Variants in CSNK1G3 observed in about 807,000 individuals in gnomAD.
The protein encoded by CSNK1G3 is casein kinase 1 gamma 3.
Under a neutral mutation model 64.3 loss-of-function variants are expected in CSNK1G3, and 23 were observed. The ratio of observed to expected loss-of-function variants is 0.36; its 90% CI spans 0.26 to 0.51. The LOEUF (loss-of-function observed/expected upper bound fraction) is 0.51. Ranked by LOEUF, CSNK1G3 falls within the 20% of genes least tolerant of loss-of-function variation. CSNK1G3 has a pLI of 0.96. For missense variants in CSNK1G3, 357 were observed against 510.5 expected, an observed-to-expected ratio of 0.70 and a Z score of 2.90; for synonymous variants, 158 against 162.2, an observed-to-expected ratio of 0.97 and a Z score of 0.20.
chr5:123,522,052 CTTTT>C (rs1228795789), intron 1 of CSNK1G3, among the ~76,000 whole-genome samples: 3 of 152,106 alleles, frequency 2.0e-5, no homozygotes, highest in Non-Finnish European at 4.4e-5. Context: ...AAATGGCTTT[CTTTT>C]ATTTTCCAAC....
At chr5:123,561,643 A>T (rs952809984) in intron 4 of CSNK1G3, among the ~76,000 whole-genome samples, 3 of 152,176 alleles carry the variant, frequency 2.0e-5, no homozygotes, top group African/African-American at 7.2e-5. Context: ...TTGTGTAAAG[A>T]CAACTTCCAG....
intron 3 of CSNK1G3, among the ~76,000 whole-genome samples, chr5:123,554,606 C>G (rs931347707): frequency 6.6e-6 from 1 of 152,174 alleles, no homozygotes; most frequent in African/African-American, 2.4e-5. Flanking sequence ...GGATTACAGG[C>G]GTGAGCCACT....
rs370362447 is a variant in CSNK1G3, at chr5:123,570,346, C to CTT, written c.290-3029_290-3028dup. Among the ~76,000 whole-genome samples, 123 of 130,526 alleles carry CTT rather than the reference C, an allele frequency of 9.4e-4. 1 individual carries two copies. The highest frequency in any genetic ancestry group is 4.0e-3 in the Middle Eastern group (1 of 252). The allele number at this position is 130,526 out of a possible 152,430, so 85.6% of individuals were successfully genotyped here. A position where few individuals can be genotyped will look rare whatever the true frequency, so the allele number is the denominator to read the frequency against. On this transcript the variant is annotated intron_variant, in intron 4 of 12. Coordinates refer to ENST00000345990, the Ensembl canonical transcript of CSNK1G3. ...GTAGAGAACGTTTTGACAGTCCTTT[C>CTT]TTTTTTTTTTTTTTTTTTTCTTTTT... is the stretch of plus-strand genomic sequence containing the variant.
At chr5:123,598,703 G>A (rs1793892482) in intron 10 of CSNK1G3, among the ~76,000 whole-genome samples, 1 of 152,158 alleles carries the variant, frequency 6.6e-6, no homozygotes, top group Non-Finnish European at 1.5e-5. Context: ...AATCATGAAG[G>A]ATCTAACGGG....
intron 1 of CSNK1G3, among the ~76,000 whole-genome samples, chr5:123,524,177 C>T (rs920836115): frequency 6.6e-6 from 1 of 152,124 alleles, no homozygotes; most frequent in African/African-American, 2.4e-5. Flanking sequence ...TTATTTGAAT[C>T]TGTGTTAGTT....
At chr5:123,601,321 G>A (rs1327520206) in intron 10 of CSNK1G3, among the ~76,000 whole-genome samples, 1 of 152,126 alleles carries the variant, frequency 6.6e-6, no homozygotes, top group Non-Finnish European at 1.5e-5. Context: ...TTAATGCCAT[G>A]ATACACTCTC....
chr5:123,589,176 C>T (rs112873576), intron 8 of CSNK1G3, among the ~76,000 whole-genome samples: 343 of 152,186 alleles, frequency 2.3e-3, no homozygotes, highest in African/African-American at 7.9e-3. Context: ...ATACGGAATT[C>T]CTATCTCACT....
intron 5 of CSNK1G3, among the ~76,000 whole-genome samples, chr5:123,574,593 A>G (rs921934346): frequency 2.0e-5 from 3 of 151,882 alleles, no homozygotes; most frequent in East Asian, 3.9e-4. Flanking sequence ...GTCTGAGGCT[A>G]GAGGATCACT....
At chr5:123,545,661 G>A in exon 2 of CSNK1G3, 2 of 1,610,846 alleles carry the variant, frequency 1.2e-6, no homozygotes, top group Non-Finnish European at 8.5e-7. Flanking sequence ...CCGCAAACTT[G>A]ATATGGAAAA....
At chr5:123,555,862 C>A (rs1373036222) in intron 3 of CSNK1G3, among the ~76,000 whole-genome samples, 1 of 151,960 alleles carries the variant, frequency 6.6e-6, no homozygotes, top group Non-Finnish European at 1.5e-5. Flanking sequence ...ACATGGACAT[C>A]TTTTTATTGC....
At chr5:123,573,430 T>G (rs1349016456) in exon 5 of CSNK1G3, 2 of 1,614,078 alleles carry the variant, frequency 1.2e-6, no homozygotes, top group Non-Finnish European at 1.7e-6. Context: ...GCCCTTGTGG[T>G]AAATACAATG....
chr5:123,526,064 G>T (rs1427540792), intron 1 of CSNK1G3, among the ~76,000 whole-genome samples: 1 of 151,832 alleles, frequency 6.6e-6, no homozygotes, highest in East Asian at 1.9e-4. Flanking sequence ...TAGAGATAGG[G>T]TCTCACTCTG....
chr5:123,614,404 CACAG>C lies in CSNK1G3; in HGVS notation c.*14_*17del, dbSNP rs776563311. The C allele has an allele frequency of 8.8e-5, 142 of 1,611,280 alleles. 1 individual carries two copies. The highest frequency in any genetic ancestry group is 6.4e-4 in the South Asian group (58 of 90,716). On this transcript the variant is annotated 3_prime_UTR_variant, in exon 13 of 13. Transcript: ENST00000345990. ...ATACAGCGCCACAAATGACTCTGGA[CACAG>C]ACAGATCCTGGGGAGTTACTTACAT...
rs944721327 is a variant in CSNK1G3, at chr5:123,574,349, C to T, written c.438+808C>T. Among the ~76,000 whole-genome samples the T allele has an allele frequency of 2.6e-5, 4 of 152,104 alleles. 1 individual carries two copies. The highest frequency in any genetic ancestry group is 5.9e-5 in the Non-Finnish European group (4 of 68,024). On this transcript the variant is annotated intron_variant, in intron 5 of 12. Transcript: ENST00000345990. ...TCTTAAAATTGTTTTTATTCATTGA[C>T]TCATTAATTCTACAAATTTATCCTA...
intron 1 of CSNK1G3, among the ~76,000 whole-genome samples, chr5:123,522,864 T>C (rs1778372051): frequency 6.6e-6 from 1 of 152,172 alleles, no homozygotes. Context: ...TTTGATTAAG[T>C]ATAACGCCAA....
At chr5:123,590,106 A>G (rs1278368973) in intron 8 of CSNK1G3, among the ~76,000 whole-genome samples, 3 of 152,106 alleles carry the variant, frequency 2.0e-5, no homozygotes, top group Admixed American at 1.3e-4. Context: ...TGCTTATTCA[A>G]CTTCTCATAC....
intron 12 of CSNK1G3, among the ~76,000 whole-genome samples, chr5:123,613,601 A>T (rs1257133201): frequency 2.0e-5 from 3 of 151,910 alleles, no homozygotes; most frequent in Non-Finnish European, 1.5e-5. Context: ...TAAACTCCTG[A>T]GCTCAAGCAA....
intron 12 of CSNK1G3, among the ~76,000 whole-genome samples, chr5:123,607,074 T>C (rs1795488850): frequency 6.6e-6 from 1 of 152,134 alleles, no homozygotes; most frequent in Non-Finnish European, 1.5e-5. Context: ...TTTGGGTCCC[T>C]ATCTGTAGAC....
chr5:123,583,072 G>T (rs143552852), intron 6 of CSNK1G3, among the ~76,000 whole-genome samples: 27 of 152,112 alleles, frequency 1.8e-4, no homozygotes, highest in Non-Finnish European at 8.8e-5. Flanking sequence ...CCTTATGACC[G>T]TGGCTTATTG....
Sources: gnomAD v4.1 joint callset for allele counts (sites outside exome capture counted in the v4.1 genomes callset) on GRCh38, gnomAD v4.1.1 for gene constraint, MANE v1.5 for transcripts, NCBI Gene and HGNC (gene_info 2026-07-23, HGNC 2026-07-21) for gene names.